FSHR: variants seen among roughly 807,000 people sequenced by gnomAD.
FSHR encodes the protein follicle-stimulating hormone receptor.
FSHR carries 46 observed loss-of-function variants against 52.1 expected under a neutral mutation model. The observed-to-expected ratio is 0.88, with a 90% CI of 0.70 to 1.13. The LOEUF is 1.13. Among genes scored for constraint, FSHR ranks in the 50% most tolerant of loss-of-function variants. FSHR has a pLI of 0.00. For missense variants in FSHR, 964 were observed against 834.6 expected (o/e 1.16, Z -1.91); for synonymous variants, 399 against 309.6 (o/e 1.29, Z -3.03).
Position 49,073,529 on chromosome 2 carries a change from A to G in FSHR, c.153-5239T>C, listed in dbSNP as rs181431271. Among the ~76,000 whole-genome samples the G allele has an allele frequency of 1.1e-3, 165 of 152,176 alleles. 2 individuals are homozygous for G. The highest frequency in any genetic ancestry group is 3.6e-3 in the African/African-American group (151 of 41,568). ...ACCTTCACAAGGGAAACTACAGAACACTAATAAAAGAAATTAAAGAAGATA... is the reference window on the plus strand; with the variant it reads ...ACCTTCACAAGGGAAACTACAGAACGCTAATAAAAGAAATTAAAGAAGATA... On this transcript the variant is annotated intron_variant, in intron 1 of 9. Coordinates refer to ENST00000406846, the MANE Select transcript of FSHR (RefSeq NM_000145.4).
At chr2:49,063,057 C>CA (rs1199188236) in intron 2 of FSHR, among the ~76,000 whole-genome samples, 1 of 151,976 alleles carries the variant, frequency 6.6e-6, no homozygotes, top group Non-Finnish European at 1.5e-5. Context: ...GTAGAGCTTC[C>CA]ATATGATCCA....
chr2:49,009,681 T>C (rs1243833288), intron 4 of FSHR, among the ~76,000 whole-genome samples: 2 of 150,142 alleles, frequency 1.3e-5, no homozygotes, highest in Non-Finnish European at 3.0e-5. Flanking sequence ...CTTCCATTTG[T>C]TTGTATCCTC....
intron 1 of FSHR, among the ~76,000 whole-genome samples, chr2:49,103,973 G>GTTT (rs5831023): frequency 2.3e-4 from 34 of 147,684 alleles, no homozygotes; most frequent in East Asian, 4.0e-4. Context: ...GGTGGGCTAT[G>GTTT]TTTTTTTTTT....
intron 1 of FSHR, among the ~76,000 whole-genome samples, chr2:49,127,534 A>G (rs997995844): frequency 4.0e-5 from 6 of 151,830 alleles, no homozygotes; most frequent in East Asian, 1.9e-4. Context: ...ACACACACAC[A>G]CACACACACA....
chr2:49,137,871 ATCT>A (rs1672541840), intron 1 of FSHR, among the ~76,000 whole-genome samples: 1 of 152,144 alleles, frequency 6.6e-6, no homozygotes, highest in South Asian at 2.1e-4. Flanking sequence ...AAAGATATAA[ATCT>A]TCTTAATCTT....
At chr2:49,027,310 T>A (rs1667941284) in intron 2 of FSHR, among the ~76,000 whole-genome samples, 1 of 152,190 alleles carries the variant, frequency 6.6e-6, no homozygotes, top group African/African-American at 2.4e-5. Flanking sequence ...TGGTCATAGG[T>A]CATCTGTTTT....
At chr2:49,002,563 G>A (rs1465581311) in intron 4 of FSHR, among the ~76,000 whole-genome samples, 1 of 152,072 alleles carries the variant, frequency 6.6e-6, no homozygotes, top group Non-Finnish European at 1.5e-5. Flanking sequence ...GCAGCAAGAA[G>A]AAGTGCCGAG....
At chr2:49,033,692 C>T (rs1426266884) in intron 2 of FSHR, among the ~76,000 whole-genome samples, 1 of 151,820 alleles carries the variant, frequency 6.6e-6, no homozygotes, top group Non-Finnish European at 1.5e-5. Context: ...GAGCCCTCCT[C>T]CCCCCTGTTC....
Position 48,968,884 on chromosome 2 carries a change from C to G in FSHR, c.669-1G>C. On this transcript the variant is annotated splice_acceptor_variant, in intron 8 of 9. Transcript: ENST00000406846. LOFTEE classifies it high-confidence loss of function. ...ATGGATCCTTGTTCTTGAAATATCT[C>G]TATAAAGAGAAAAGGTAAATATAAC... 6.2e-7 allele frequency: 1 copy of G among 1,612,780 alleles called. No individual in the cohort carries two copies. Among genetic ancestry groups the G allele is most frequent in the Non-Finnish European group, 8.5e-7 (1 of 1,179,592 alleles).
chr2:49,137,300 C>T (rs1244998586), intron 1 of FSHR, among the ~76,000 whole-genome samples: 1 of 151,762 alleles, frequency 6.6e-6, no homozygotes, highest in African/African-American at 2.4e-5. Flanking sequence ...AAAAGGAGTA[C>T]AAAACTTATG....
chr2:49,093,430 G>T (rs774858483), intron 1 of FSHR, among the ~76,000 whole-genome samples: 2 of 151,976 alleles, frequency 1.3e-5, no homozygotes, highest in African/African-American at 2.4e-5. Flanking sequence ...TTGTCATTCT[G>T]CAATGTCCCT....
intron 1 of FSHR, among the ~76,000 whole-genome samples, chr2:49,127,967 A>C (rs1446595457): frequency 6.9e-6 from 1 of 145,172 alleles, no homozygotes; most frequent in African/African-American, 2.5e-5. Context: ...ATCTCCACTC[A>C]CCGCAACCTC....
chr2:49,010,390 G>A (rs1371253733), intron 4 of FSHR, among the ~76,000 whole-genome samples: 2 of 151,768 alleles, frequency 1.3e-5, no homozygotes, highest in Non-Finnish European at 2.9e-5. Flanking sequence ...ACTTGATCAT[G>A]GTGGATAAGC....
intron 1 of FSHR, among the ~76,000 whole-genome samples, chr2:49,097,222 T>C (rs892437642): frequency 6.6e-6 from 1 of 152,228 alleles, no homozygotes; most frequent in Non-Finnish European, 1.5e-5. Context: ...TTTGATTGTG[T>C]TGTACTGGGC....
intron 1 of FSHR, among the ~76,000 whole-genome samples, chr2:49,151,684 A>G (rs1298472656): frequency 2.0e-5 from 3 of 152,142 alleles, no homozygotes; most frequent in Non-Finnish European, 4.4e-5. Flanking sequence ...GAAGTCCAAT[A>G]ATCCATCCAC....
At chr2:49,059,613 G>A (rs1030610341) in intron 2 of FSHR, 7 of 152,704 alleles carry the variant, frequency 4.6e-5, no homozygotes, top group African/African-American at 1.7e-4. Flanking sequence ...AAAGGTAACT[G>A]TGATTTTTGC....
At chr2:49,098,706 C>G (rs1268613177) in intron 1 of FSHR, among the ~76,000 whole-genome samples, 1 of 146,214 alleles carries the variant, frequency 6.8e-6, no homozygotes, top group Non-Finnish European at 1.5e-5. Flanking sequence ...GTACATATAT[C>G]TATATATATT....
chr2:49,130,207 T>G (rs1672214186), intron 1 of FSHR, among the ~76,000 whole-genome samples: 1 of 152,164 alleles, frequency 6.6e-6, no homozygotes, highest in Admixed American at 6.5e-5. Context: ...GAGGAATAAA[T>G]AAGGTAGTAC....
intron 8 of FSHR, among the ~76,000 whole-genome samples, chr2:48,969,309 G>A (rs1674625943): frequency 6.6e-6 from 1 of 152,166 alleles, no homozygotes; most frequent in South Asian, 2.1e-4. Flanking sequence ...AGAATCTGTG[G>A]CCAAATTTCA....
Sources: gnomAD v4.1 joint callset for allele counts (sites outside exome capture counted in the v4.1 genomes callset) on GRCh38, gnomAD v4.1.1 for gene constraint, MANE v1.5 for transcripts, NCBI Gene and HGNC (gene_info 2026-07-23, HGNC 2026-07-21) for gene names.